Variants in FAM20C observed in about 807,000 individuals in gnomAD.
The protein encoded by FAM20C is FAM20C golgi associated secretory pathway kinase, also known as extracellular serine/threonine protein kinase FAM20C.
FAM20C carries 40 observed loss-of-function variants against 51.5 expected under a neutral mutation model. The observed-to-expected ratio is 0.78, with a 90% CI of 0.60 to 1.01. The LOEUF (loss-of-function observed/expected upper bound fraction) is 1.01, where lower values mean the gene tolerates loss of function less well. Ranked by LOEUF, FAM20C falls within the 50% of genes least tolerant of loss-of-function variation. The pLI is 0.00. For synonymous variants in FAM20C, 406 were observed against 380.6 expected (o/e 1.07, Z -0.78); for missense variants, 861 against 844.7 (o/e 1.02, Z -0.24).
At chr7:212,407 G>A (rs1022541785) in intron 3 of FAM20C, among the ~76,000 whole-genome samples, 2 of 152,214 alleles carry the variant, frequency 1.3e-5, no homozygotes, top group Non-Finnish European at 2.9e-5. Flanking sequence ...AGGTTACAGT[G>A]AGCCGAGCTG....
At chr7:223,124 G>A (rs977888341) in intron 3 of FAM20C, among the ~76,000 whole-genome samples, 10 of 152,248 alleles carry the variant, frequency 6.6e-5, no homozygotes, top group East Asian at 1.9e-4. Flanking sequence ...AATGGAACCC[G>A]TGTGTGTTCC....
At chr7:243,083 CAA>C (rs755633022) in intron 3 of FAM20C, among the ~76,000 whole-genome samples, 5 of 136,274 alleles carry the variant, frequency 3.7e-5, no homozygotes, top group Admixed American at 2.8e-4. Flanking sequence ...CTGTGCCACC[CAA>C]GAGACCTGTG....
chr7:256,490 C>A, intron 6 of FAM20C, 164 bp from the exon 7 acceptor site: 1 of 641,724 alleles, frequency 1.6e-6, no homozygotes, highest in Non-Finnish European at 2.7e-6. Flanking sequence ...CGTCCCCTCC[C>A]ACACCCGTGC....
chr7:197,983 C>T (rs1785961014), intron 2 of FAM20C, among the ~76,000 whole-genome samples: 1 of 152,194 alleles, frequency 6.6e-6, no homozygotes, highest in African/African-American at 2.4e-5. Flanking sequence ...GGACAGAGCC[C>T]TTGCCAGGGA....
intron 2 of FAM20C, among the ~76,000 whole-genome samples, chr7:204,837 C>G (rs546554131): frequency 1.9e-4 from 29 of 152,216 alleles, no homozygotes; most frequent in Non-Finnish European, 3.8e-4. Context: ...TGCCGCTGTT[C>G]TCAGTGTTCA....
intron 3 of FAM20C, among the ~76,000 whole-genome samples, chr7:231,444 C>T (rs967467016): frequency 4.0e-5 from 6 of 150,950 alleles, no homozygotes; most frequent in Admixed American, 6.6e-5. Flanking sequence ...GTGGAGGGCC[C>T]CGTGGGAGGA....
chr7:236,249 G>C (rs1251531477), intron 3 of FAM20C, among the ~76,000 whole-genome samples: 1 of 148,762 alleles, frequency 6.7e-6, no homozygotes, highest in Non-Finnish European at 1.5e-5. Context: ...CGAGGTGAGA[G>C]TCGGCCTGCT....
chr7:242,107 C>T (rs1787965329), intron 3 of FAM20C, among the ~76,000 whole-genome samples: 1 of 152,158 alleles, frequency 6.6e-6, no homozygotes, highest in Admixed American at 6.5e-5. Context: ...TCTGCGGGGA[C>T]ATCCCATTGT....
chr7:248,186 G>T, intron 4 of FAM20C, 129 bp from the exon 5 acceptor site: 1 of 632,902 alleles, frequency 1.6e-6, no homozygotes, highest in Non-Finnish European at 2.7e-6. Context: ...TCGGAGGCAG[G>T]GACACAGAGG....
intron 2 of FAM20C, among the ~76,000 whole-genome samples, chr7:200,152 C>T (rs946355850): frequency 3.3e-5 from 5 of 152,230 alleles, no homozygotes; most frequent in Non-Finnish European, 7.3e-5. Flanking sequence ...GCACAGCCAC[C>T]GTGTCTGTTC....
chr7:241,579 T>TGTGTGTGC (rs1347984314), intron 3 of FAM20C, among the ~76,000 whole-genome samples: 1 of 150,292 alleles, frequency 6.7e-6, no homozygotes, highest in Non-Finnish European at 1.5e-5. Flanking sequence ...TGTGTGTGTG[T>TGTGTGTGC]GCACTCCTGC....
chr7:242,725 G>A (rs1041443315), intron 3 of FAM20C, among the ~76,000 whole-genome samples: 1 of 152,160 alleles, frequency 6.6e-6, no homozygotes, highest in African/African-American at 2.4e-5. Flanking sequence ...GTCACATTTC[G>A]AGTGTCCCAC....
At chr7:237,292 G>C (rs1015179276) in intron 3 of FAM20C, among the ~76,000 whole-genome samples, 3 of 152,236 alleles carry the variant, frequency 2.0e-5, no homozygotes, top group Non-Finnish European at 4.4e-5. Flanking sequence ...CTGCTCAGAG[G>C]AGTAGGCAGG....
At chr7:229,195 T>C (rs1487017838) in intron 3 of FAM20C, 1 of 258,834 alleles carries the variant, frequency 3.9e-6, no homozygotes, top group African/African-American at 2.2e-5. Flanking sequence ...TTGTCTGGGC[T>C]CCGATGTGTG....
At chr7:258,559 G>C in intron 8 of FAM20C, 87 bp from the exon 9 acceptor site, 1 of 1,363,698 alleles carries the variant, frequency 7.3e-7, no homozygotes, top group Non-Finnish European at 1.0e-6. Context: ...GGTACAGGCA[G>C]GTGGACCCAT....
intron 4 of FAM20C, 105 bp downstream of exon 4, chr7:246,612 G>A (rs904767798): frequency 5.1e-6 from 4 of 784,890 alleles, no homozygotes; most frequent in Non-Finnish European, 5.9e-6. Context: ...CGTCACCTTC[G>A]TCACCATCAG....
chr7:246,208 C>A (rs1397996937), intron 3 of FAM20C: 16 of 534,776 alleles, frequency 3.0e-5, no homozygotes, highest in South Asian at 2.1e-5. Context: ...GGAGCTGGGA[C>A]CCCCGGCCTC....
chr7:199,812 C>T lies in FAM20C; in HGVS notation c.784+4080C>T, dbSNP rs1176055560. Among the ~76,000 whole-genome samples the T allele has an allele frequency of 2.0e-5, 3 of 152,108 alleles. No homozygotes were observed. In the East Asian group the frequency reaches 5.8e-4, roughly 29 times the overall value. On this transcript the variant is annotated intron_variant, in intron 2 of 9. Transcript: ENST00000313766. ...ATGCAGTGCCTTGGGCTGGGGCTGG[C>T]GATAATTAAATTTCTATCATGCACA...
At chr7:210,732 T>A (rs1203149514) in intron 3 of FAM20C, among the ~76,000 whole-genome samples, 3 of 152,150 alleles carry the variant, frequency 2.0e-5, no homozygotes, top group African/African-American at 7.2e-5. Context: ...AGAGTGTTCC[T>A]GGGCGCCAGC....
Sources: allele counts gnomAD v4.1 joint callset (sites outside exome capture counted in the v4.1 genomes callset), GRCh38; gene constraint gnomAD v4.1.1; transcripts MANE v1.5; gene names NCBI Gene and HGNC (gene_info 2026-07-23, HGNC 2026-07-21).